MYH11: variants seen among roughly 807,000 people sequenced by gnomAD.
The protein encoded by MYH11 is myosin heavy chain 11.
In MYH11, 80 loss-of-function variants were observed where a neutral mutation model predicts 246.6. The observed-to-expected ratio is 0.32, with a 90% CI of 0.27 to 0.39. MYH11 has a LOEUF of 0.39. MYH11 is among the 10% of genes least tolerant of loss of function. The probability of loss-of-function intolerance (pLI) is 1.00; values close to 1 mark genes in which losing one functional copy is unlikely to be tolerated. For synonymous variants in MYH11, 1,071 were observed against 1,015.5 expected (o/e 1.05, Z -1.04); for missense variants, 2,158 against 2,546.8 (o/e 0.85, Z 3.29).
At chr16:15,823,216 T>C in intron 3 of MYH11, 39 bp downstream of exon 3, 1 of 1,613,052 alleles carries the variant, frequency 6.2e-7, no homozygotes. Context: ...CAGGAGGGGC[T>C]CCCTGGAGCT....
At chr16:15,804,350 C>A (rs75401241) in intron 3 of MYH11, among the ~76,000 whole-genome samples, 3 of 151,976 alleles carry the variant, frequency 2.0e-5, no homozygotes, top group Non-Finnish European at 2.9e-5. Context: ...GGCAAAACCC[C>A]GTCTCTACCA....
chr16:15,736,404 GAGTAGCTGGGACTACAGGCACACA>G (rs2041119073), intron 25 of MYH11, among the ~76,000 whole-genome samples: 1 of 152,072 alleles, frequency 6.6e-6, no homozygotes, highest in African/African-American at 2.4e-5. Context: ...TCAGCCTCCT[GAGTAGCTGGGACTACAGGCACACA>G]CCACCATGCC....
At chr16:15,829,015 C>A (rs2043653792) in intron 2 of MYH11, among the ~76,000 whole-genome samples, 1 of 151,920 alleles carries the variant, frequency 6.6e-6, no homozygotes, top group Non-Finnish European at 1.5e-5. Flanking sequence ...AAAACCCCGT[C>A]TTTACTAAAA....
chr16:15,725,550 A>AC (rs1555553615), intron 28 of MYH11: 11 of 411,292 alleles, frequency 2.7e-5, no homozygotes, highest in Non-Finnish European at 4.7e-5. Flanking sequence ...GTGTCTCTGC[A>AC]TAAGTCCCTT....
Position 15,823,345 on chromosome 16 carries a change from T to A in MYH11, c.412A>T (p.Ile138Phe), listed in dbSNP as rs886039133. The change falls in exon 3 of 41, where the codon ATC (isoleucine) becomes TTC (phenylalanine). Residue 138 changes from isoleucine to phenylalanine, a missense_variant. Coordinates refer to ENST00000300036, the MANE Select transcript of MYH11 (RefSeq NM_002474.3). ...TTCTTGCCCTTGTACATGTCGACGA[T>A]CTTCTCCGAGTAGATGGGCAGGTGT... ...YKHLPIYSEK[I>F]VDMYKGKKRH... 5 of 1,614,064 alleles carry A rather than the reference T, an allele frequency of 3.1e-6. No individual in the cohort carries two copies. The highest frequency in any genetic ancestry group is 3.3e-5 in the Admixed American group (2 of 59,970).
At chr16:15,808,368 C>A (rs937354624) in intron 3 of MYH11, among the ~76,000 whole-genome samples, 2 of 152,310 alleles carry the variant, frequency 1.3e-5, no homozygotes, top group South Asian at 2.1e-4. Flanking sequence ...AGTGAGGAAA[C>A]TGAGGCACAA....
Position 15,778,127 on chromosome 16 carries a change from C to A in MYH11, c.790+653G>T, listed in dbSNP as rs189668595. On this transcript the variant is annotated intron_variant, in intron 7 of 40. Coordinates refer to ENST00000300036, the MANE Select transcript of MYH11 (RefSeq NM_002474.3). ...GGCTGATCAGTCACTGAACTCTAGACCTGGTTGTTCCCCCACGTCCAGAAA... is the reference window on the plus strand; with the variant it reads ...GGCTGATCAGTCACTGAACTCTAGAACTGGTTGTTCCCCCACGTCCAGAAA... Among the ~76,000 whole-genome samples, 604 of 152,300 alleles carry A rather than the reference C, an allele frequency of 4.0e-3. 8 individuals carry two copies. Among genetic ancestry groups the A allele is most frequent in the African/African-American group, 0.013 (558 of 41,558 alleles).
At chr16:15,813,055 T>C (rs1214572283) in intron 3 of MYH11, among the ~76,000 whole-genome samples, 2 of 152,076 alleles carry the variant, frequency 1.3e-5, no homozygotes, top group African/African-American at 4.8e-5. Context: ...TAATCCCAGC[T>C]ACTCAGGAGG....
Position 15,822,408 on chromosome 16 carries a change from G to A in MYH11, c.502+847C>T, listed in dbSNP as rs541020267. Among the ~76,000 whole-genome samples the A allele has an allele frequency of 3.9e-5, 6 of 152,278 alleles. No individual in the cohort carries two copies. The East Asian group carries it at 1.2e-3, about 29-fold the overall frequency. On this transcript the variant is annotated intron_variant, in intron 3 of 40. Coordinates refer to ENST00000300036, the MANE Select transcript of MYH11 (RefSeq NM_002474.3). ...TAGAAGGTGAGAAGGCCTGGGTGCA[G>A]TGGCTCATGCCTATAATCCCAGAAC...
At position 15,758,041 on chromosome 16, in the gene MYH11, A is replaced by G. The variant is rs764788774; in HGVS notation, c.1402-41T>C. ...GGGGGCGGGGCGTGAGCATCTTGGT[A>G]TGAAGTCAGAAGACAAGGAGCCCCA... is the stretch of plus-strand genomic sequence containing the variant. On this transcript the variant is annotated intron_variant, in intron 12 of 40. Coordinates refer to ENST00000300036, the MANE Select transcript of MYH11 (RefSeq NM_002474.3). The G allele has an allele frequency of 6.2e-6, 10 of 1,612,150 alleles. No homozygotes were observed. The East Asian group carries it at 2.0e-4, about 32-fold the overall frequency.
rs201960644 is a variant in MYH11 at position 15,717,308 on chromosome 16, G to C, written c.5336C>G (p.Thr1779Arg). The C allele has an allele frequency of 6.2e-6, 10 of 1,611,998 alleles. No homozygotes were observed. The highest frequency in any genetic ancestry group is 2.2e-5 in the East Asian group (1 of 44,888). Reference sequence around the variant, plus strand: ...CCGGGCACTCTCATTCTTCTGGGCCGTGCTGCGCTCTGTGGCCAGCTCGTT... The same window carrying C: ...CCGGGCACTCTCATTCTTCTGGGCCCTGCTGCGCTCTGTGGCCAGCTCGTT... ...LSNELATERS[T>R]AQKNESARQQ... is the part of the protein sequence containing the mutation. The change falls in exon 38 of 41, where the codon ACG becomes AGG. Residue 1779 changes from threonine (T) to arginine (R), a missense_variant. Thr to Arg is a moderately conservative substitution (Grantham distance 71, BLOSUM62 -1). Around this residue, in one of 11 missense-constraint regions of MYH11, gnomAD observed 1,013 missense variants for 993.5 expected, o/e 1.02. Coordinates refer to ENST00000300036, the MANE Select transcript of MYH11 (RefSeq NM_002474.3).
chr16:15,718,540 A>G (rs1243764297), intron 36 of MYH11, 102 bp from the exon 37 acceptor site: 1 of 1,459,518 alleles, frequency 6.9e-7, no homozygotes, highest in Non-Finnish European at 9.1e-7. Context: ...TCATCATCTA[A>G]TGGGTGAAAC....
intron 2 of MYH11, among the ~76,000 whole-genome samples, chr16:15,824,389 C>G (rs1342851276): frequency 2.0e-5 from 3 of 151,738 alleles, no homozygotes; most frequent in African/African-American, 7.3e-5. Context: ...GTGATCCTCT[C>G]GCCTCAGCCT....
At chr16:15,787,986 C>A (rs2042511181) in intron 4 of MYH11, among the ~76,000 whole-genome samples, 1 of 150,480 alleles carries the variant, frequency 6.6e-6, no homozygotes, top group African/African-American at 2.5e-5. Flanking sequence ...AAGTAATTCA[C>A]ACTAAAGTGT....
intron 6 of MYH11, 167 bp from the exon 7 acceptor site, chr16:15,779,010 C>T: frequency 1.4e-6 from 1 of 715,846 alleles, no homozygotes. Flanking sequence ...GAACCAACAT[C>T]TGCTGAGCTG....
chr16:15,761,715 T>C lies in MYH11; in HGVS notation c.1130-1057A>G, dbSNP rs189429914. Reference sequence around the variant, plus strand: ...ATAGAGTGATTTTAGGATTTTTTTTTCCCCATCTCTTGGCAAGAGCACTTT... The same window carrying C: ...ATAGAGTGATTTTAGGATTTTTTTTCCCCCATCTCTTGGCAAGAGCACTTT... On this transcript the variant is annotated intron_variant, in intron 10 of 40. Coordinates refer to ENST00000300036, the MANE Select transcript of MYH11 (RefSeq NM_002474.3). 2.8e-3 allele frequency among the ~76,000 whole-genome samples: 433 copies of C among 152,266 alleles called. 2 individuals are homozygous for C. Among genetic ancestry groups the C allele is most frequent in the East Asian group, 0.015 (78 of 5,182 alleles).
At position 15,726,847 on chromosome 16, in the gene MYH11, C is replaced by A; in HGVS notation, c.3858+1G>T. The A allele has an allele frequency of 6.2e-7, 1 of 1,611,862 alleles. No individual in the cohort carries two copies. Among genetic ancestry groups the A allele is most frequent in the Non-Finnish European group, 8.5e-7 (1 of 1,179,994 alleles). On this transcript the variant is annotated splice_donor_variant, in intron 28 of 40. Coordinates refer to ENST00000300036, the MANE Select transcript of MYH11 (RefSeq NM_002474.3). LOFTEE classifies it high-confidence loss of function. The stretch of plus-strand genomic sequence containing the variant: ...ACCACACCACCGCGCCACCTCCTCA[C>A]CTGCAGCTTGTGGACTTTGTCATTG...
intron 2 of MYH11, among the ~76,000 whole-genome samples, chr16:15,827,233 G>A (rs77482901): frequency 6.6e-6 from 1 of 152,040 alleles, no homozygotes; most frequent in African/African-American, 2.4e-5. Context: ...ATTAAAACAC[G>A]TCGTAAGAAC....
At chr16:15,823,176 A>G (rs1030493986) in intron 3 of MYH11, 79 bp downstream of exon 3, 132 of 1,594,892 alleles carry the variant, frequency 8.3e-5, no homozygotes, top group Non-Finnish European at 1.1e-4. Context: ...CAAACTCCAC[A>G]TTCCTGGCAA....
Sources: gnomAD v4.1 joint callset for allele counts (sites outside exome capture counted in the v4.1 genomes callset) on GRCh38, gnomAD v4.1.1 for gene constraint, gnomAD v4.1.1 regional missense constraint, MANE v1.5 for transcripts, NCBI Gene and HGNC (gene_info 2026-07-23, HGNC 2026-07-21) for gene names.